CERS5: variants seen among roughly 807,000 people sequenced by gnomAD.
CERS5 encodes the protein ceramide synthase 5.
Under a neutral mutation model 58.9 loss-of-function variants are expected in CERS5, and 37 were observed. The observed-to-expected ratio is 0.63, with a 90% CI of 0.48 to 0.83. The LOEUF (loss-of-function observed/expected upper bound fraction) is 0.83, where lower values mean the gene tolerates loss of function less well. Among genes scored for constraint, CERS5 ranks in the 40% least tolerant of loss-of-function variants. The probability of loss-of-function intolerance (pLI) is 0.00; values close to 1 mark genes in which losing one functional copy is unlikely to be tolerated. For missense variants in CERS5, 398 were observed against 489.3 expected, an observed-to-expected ratio of 0.81 and a Z score of 1.76; for synonymous variants, 147 against 177.8, an observed-to-expected ratio of 0.83 and a Z score of 1.38.
In CERS5 at chr12:50,151,675, T is replaced by C. The variant is rs1346416720; in HGVS notation, c.198-7618A>G. 1.3e-5 allele frequency among the ~76,000 whole-genome samples: 2 copies of C among 152,210 alleles called. 1 individual carries two copies. Among genetic ancestry groups the C allele is most frequent in the East Asian group, 3.9e-4 (2 of 5,194 alleles). ...CACTTATTAAACACCCACTTTGAGA[T>C]GGAGTCTCCCTCTGTCACCTGGGCT... On this transcript the variant is annotated intron_variant, in intron 1 of 9. Coordinates refer to ENST00000317551, the MANE Select transcript of CERS5 (RefSeq NM_147190.5).
chr12:50,157,799 G>A (rs1353703043), intron 1 of CERS5, among the ~76,000 whole-genome samples: 3 of 152,142 alleles, frequency 2.0e-5, no homozygotes, highest in African/African-American at 4.8e-5. Context: ...GCCAGGCATG[G>A]TGATTCATGC....
At position 50,167,164 on chromosome 12, in the gene CERS5, C is replaced by G. The variant is rs759691404; in HGVS notation, c.134G>C (p.Arg45Pro). 1.3e-6 allele frequency: 2 copies of G among 1,598,712 alleles called. No homozygotes were observed. Among genetic ancestry groups the G allele is most frequent in the Non-Finnish European group, 1.7e-6 (2 of 1,175,396 alleles). ...PADGYGYPRG[R>P]HILSVFPLAA... ...CAGCGGGAACACCGAGAGGATGTGC[C>G]GGCCGCGGGGGTAACCGTAGCCGTC... The change falls in exon 1 of 10, where the codon CGG (arginine) becomes CCG (proline). Residue 45 changes from arginine to proline, a missense_variant. This residue lies in a region of CERS5 where 328 missense variants were observed against 384.5 expected (regional missense o/e 0.85). Coordinates refer to ENST00000317551, the MANE Select transcript of CERS5 (RefSeq NM_147190.5).
Position 50,130,536 on chromosome 12 carries a change from G to C in CERS5, c.*9C>G. ...GTCCATGTGTGCTGAAGTCCCTATA[G>C]CAACCACCTTACTCTTCAGCCCAGT... On this transcript the variant is annotated 3_prime_UTR_variant, in exon 10 of 10. Transcript: ENST00000317551. The C allele has an allele frequency of 6.3e-7, 1 of 1,587,324 alleles. No individual in the cohort carries two copies. The highest frequency in any genetic ancestry group is 8.6e-7 in the Non-Finnish European group (1 of 1,159,716).
rs1951245515 is a variant in CERS5, at chr12:50,130,309, G to A, written c.*236C>T. On this transcript the variant is annotated 3_prime_UTR_variant, in exon 10 of 10. Transcript: ENST00000317551. ...ATGAAACTCACGCATATGCACAAAC[G>A]CACATCAACAAACACACAAAAACAC... 1.0e-5 allele frequency: 4 copies of A among 381,834 alleles called. No homozygotes were observed. The highest frequency in any genetic ancestry group is 4.0e-5 in the East Asian group (1 of 25,078). The allele number at this position is 381,834 out of a possible 1,614,324, so 23.7% of individuals were successfully genotyped here.
intron 1 of CERS5, among the ~76,000 whole-genome samples, chr12:50,149,778 A>G (rs1937739344): frequency 6.6e-6 from 1 of 152,186 alleles, no homozygotes; most frequent in African/African-American, 2.4e-5. Flanking sequence ...TCTGATGCCT[A>G]GGCTGAAGTG....
At chr12:50,154,239 G>T in intron 1 of CERS5, 1 of 355,954 alleles carries the variant, frequency 2.8e-6, no homozygotes, top group Non-Finnish European at 5.6e-6. Context: ...TGTAATCCTA[G>T]CTACTCGGGA....
At chr12:50,138,485 T>A (rs1480866827) in intron 5 of CERS5, 82 bp downstream of exon 5, 1 of 1,112,024 alleles carries the variant, frequency 9.0e-7, no homozygotes, top group Non-Finnish European at 1.4e-6. Flanking sequence ...GCACCATCTG[T>A]CCTGGGGACT....
chr12:50,138,752 C>G (rs1592353937), intron 4 of CERS5, 135 bp from the exon 5 acceptor site: 1 of 747,418 alleles, frequency 1.3e-6, no homozygotes, highest in East Asian at 2.5e-5. Flanking sequence ...TTAGGGCTCC[C>G]TAAAGGATCA....
chr12:50,143,395 A>G, intron 2 of CERS5, 191 bp from the exon 3 acceptor site: 1 of 533,298 alleles, frequency 1.9e-6, no homozygotes, highest in Non-Finnish European at 3.2e-6. Context: ...CTGCTCACCT[A>G]TACATATCCT....
chr12:50,148,927 A>T (rs58887399), intron 1 of CERS5, among the ~76,000 whole-genome samples: 7,314 of 42,870 alleles, frequency 0.17, 538 homozygotes, highest in African/African-American at 0.19. Context: ...AAAAAAAAAA[A>T]ATATATATAT....
intron 1 of CERS5, among the ~76,000 whole-genome samples, chr12:50,155,630 G>A (rs1434371983): frequency 2.0e-5 from 3 of 151,098 alleles, no homozygotes; most frequent in Non-Finnish European, 2.9e-5. Flanking sequence ...ACAGCTACTC[G>A]GGAGGCTGAG....
At chr12:50,135,294 A>T in intron 8 of CERS5, 1 of 164,458 alleles carries the variant, frequency 6.1e-6, no homozygotes, top group Non-Finnish European at 1.1e-5. Context: ...GAGAGGGAGG[A>T]AGAGAGAGAG....
At chr12:50,138,506 C>G in intron 5 of CERS5, 61 bp downstream of exon 5, 1 of 1,387,484 alleles carries the variant, frequency 7.2e-7, no homozygotes, top group East Asian at 2.3e-5. Context: ...GGCAAAGGAC[C>G]CTCACTCACT....
Position 50,135,988 on chromosome 12 carries a change from C to T in CERS5, c.718G>A (p.Gly240Arg). 2 of 1,523,106 alleles carry T rather than the reference C, an allele frequency of 1.3e-6. No homozygotes were observed. The highest frequency in any genetic ancestry group is 1.8e-6 in the Non-Finnish European group (2 of 1,139,412). The allele number at this position is 1,523,106 out of a possible 1,614,324, so 94.3% of individuals were successfully genotyped here. ...FSYINNMVRVGTLIMCLHDVS... is the reference protein window; with the variant it reads ...FSYINNMVRVRTLIMCLHDVS... ...TCATGTAGACACATGATCAGAGTTC[C>T]CACTCGAACCATATTGTTGATGTAG... Residue 240 changes from glycine (G) to arginine (R), a missense_variant, in exon 7 of 10, where the codon GGA (glycine) becomes AGA (arginine). Around this residue, in one of 3 missense-constraint regions of CERS5, gnomAD observed 328 missense variants for 384.5 expected, o/e 0.85. Coordinates refer to ENST00000317551, the MANE Select transcript of CERS5 (RefSeq NM_147190.5).
At chr12:50,142,489 G>A (rs1368237160) in intron 3 of CERS5, among the ~76,000 whole-genome samples, 2 of 147,928 alleles carry the variant, frequency 1.4e-5, no homozygotes, top group Non-Finnish European at 3.0e-5. Context: ...GGCGGAGGTT[G>A]CAGTGAGCAG....
At chr12:50,149,423 C>T (rs1219883139) in intron 1 of CERS5, among the ~76,000 whole-genome samples, 1 of 152,168 alleles carries the variant, frequency 6.6e-6, no homozygotes, top group Non-Finnish European at 1.5e-5. Context: ...TACATAGCAG[C>T]AGTTGACCTA....
chr12:50,156,099 CAAA>C (rs34616031), intron 1 of CERS5, among the ~76,000 whole-genome samples: 5 of 48,980 alleles, frequency 1.0e-4, no homozygotes, highest in South Asian at 1.1e-3. Context: ...CATTCTGTCT[CAAA>C]AAAAAAAAAA....
intron 6 of CERS5, among the ~76,000 whole-genome samples, chr12:50,136,653 T>C (rs948036952): frequency 6.6e-6 from 1 of 152,134 alleles, no homozygotes; most frequent in Non-Finnish European, 1.5e-5. Context: ...AAGCTGACAC[T>C]TGGGGATAAC....
chr12:50,162,610 T>TC (rs566008470), intron 1 of CERS5, among the ~76,000 whole-genome samples: 16 of 97,428 alleles, frequency 1.6e-4, no homozygotes, highest in African/African-American at 3.2e-4. Flanking sequence ...TCTCTCTCTC[T>TC]TTTTTTTTTT....
Sources: allele counts gnomAD v4.1 joint callset (sites outside exome capture counted in the v4.1 genomes callset), GRCh38; gene constraint gnomAD v4.1.1; regional missense constraint gnomAD v4.1.1; transcripts MANE v1.5; gene names NCBI Gene and HGNC (gene_info 2026-07-23, HGNC 2026-07-21).